GDPD1: variants seen among roughly 807,000 people sequenced by gnomAD.
The protein encoded by GDPD1 is lysophospholipase D GDPD1.
GDPD1 carries 28 observed loss-of-function variants against 45.1 expected under a neutral mutation model. The observed-to-expected ratio is 0.62, with a 90% confidence interval of 0.46 to 0.85. The LOEUF (loss-of-function observed/expected upper bound fraction) is 0.85. Among genes scored for constraint, GDPD1 ranks in the 40% least tolerant of loss-of-function variants. The pLI, the probability that GDPD1 is intolerant of heterozygous loss-of-function variation, is 0.00. For missense variants in GDPD1, 256 were observed against 364.8 expected, an observed-to-expected ratio of 0.70 and a Z score of 2.43; for synonymous variants, 139 against 131.4, an observed-to-expected ratio of 1.06 and a Z score of -0.40.
chr17:59,255,812 CGCGTATAT>C lies in GDPD1; in HGVS notation c.368-1309_368-1302del, dbSNP rs2047298916. Reference sequence around the variant, plus strand: ...GCGTATATATGTATATATATATATACGCGTATATATATATACGCGTATATATATATATA... The same window carrying C: ...GCGTATATATGTATATATATATATACATATATACGCGTATATATATATATA... On this transcript the variant is annotated intron_variant, in intron 4 of 9. Transcript: ENST00000284116. 3.1e-5 allele frequency among the ~76,000 whole-genome samples: 2 copies of C among 64,636 alleles called. 1 individual carries two copies. Among genetic ancestry groups the C allele is most frequent in the Non-Finnish European group, 5.2e-5 (2 of 38,502 alleles). The allele number at this position is 64,636 out of a possible 152,430, so 42.4% of individuals were successfully genotyped here. A position where few individuals can be genotyped will look rare whatever the true frequency, so the allele number is the denominator to read the frequency against.
intron 7 of GDPD1, among the ~76,000 whole-genome samples, chr17:59,267,863 C>A (rs2047410760): frequency 6.6e-6 from 1 of 151,804 alleles, no homozygotes; most frequent in African/African-American, 2.4e-5. Flanking sequence ...AGAGATGGGG[C>A]TTCACCATGT....
chr17:59,254,486 T>TACTGCTGGA (rs2047281538), intron 4 of GDPD1, among the ~76,000 whole-genome samples: 5 of 152,016 alleles, frequency 3.3e-5, no homozygotes, highest in Non-Finnish European at 7.4e-5. Context: ...GCTGTGGTCA[T>TACTGCTGGA]GCTACTGCAC....
At chr17:59,243,082 G>A (rs773807217) in intron 2 of GDPD1, among the ~76,000 whole-genome samples, 1 of 151,990 alleles carries the variant, frequency 6.6e-6, no homozygotes, top group African/African-American at 2.4e-5. Context: ...TCAGCTACTC[G>A]GGAAGCTGAG....
chr17:59,248,694 T>C (rs2047231121), intron 3 of GDPD1, 46 bp from the exon 4 acceptor site: 3 of 1,350,258 alleles, frequency 2.2e-6, no homozygotes, highest in African/African-American at 1.5e-5. Flanking sequence ...AAAAATCTTA[T>C]TATTTTTTGA....
At chr17:59,247,046 G>A (rs965989721) in intron 3 of GDPD1, among the ~76,000 whole-genome samples, 1 of 152,096 alleles carries the variant, frequency 6.6e-6, no homozygotes, top group Non-Finnish European at 1.5e-5. Flanking sequence ...GGGATTACAG[G>A]TGTGAGCCAC....
chr17:59,246,348 G>T (rs991166373), intron 3 of GDPD1, among the ~76,000 whole-genome samples: 3 of 151,666 alleles, frequency 2.0e-5, no homozygotes, highest in Non-Finnish European at 2.9e-5. Flanking sequence ...GCCGGCCTCG[G>T]TGGCTCACAC....
chr17:59,223,965 T>G (rs2047025892), intron 1 of GDPD1, among the ~76,000 whole-genome samples: 2 of 151,680 alleles, frequency 1.3e-5, no homozygotes, highest in Admixed American at 1.3e-4. Flanking sequence ...TCTCTCCACC[T>G]TTTTTTTGAG....
chr17:59,237,698 G>A (rs987279390), intron 2 of GDPD1, among the ~76,000 whole-genome samples: 1 of 152,096 alleles, frequency 6.6e-6, no homozygotes. Context: ...TGGGAAGCCT[G>A]ATTAAAATTA....
At chr17:59,256,041 C>G (rs145645045) in intron 4 of GDPD1, among the ~76,000 whole-genome samples, 1 of 149,470 alleles carries the variant, frequency 6.7e-6, no homozygotes, top group South Asian at 2.1e-4. Context: ...AAAAAGGGAC[C>G]GGGTACATGG....
chr17:59,270,895 CTG>C (rs2047439131), intron 7 of GDPD1, 39 bp from the exon 8 acceptor site: 2 of 1,250,750 alleles, frequency 1.6e-6, no homozygotes, highest in Non-Finnish European at 2.3e-6. Context: ...TGATATATTT[CTG>C]TGTTTCTAAT....
At chr17:59,253,487 A>G (rs1264441602) in intron 4 of GDPD1, among the ~76,000 whole-genome samples, 1 of 152,112 alleles carries the variant, frequency 6.6e-6, no homozygotes, top group African/African-American at 2.4e-5. Context: ...TACAGGAGTG[A>G]GCCACTGCAC....
At chr17:59,232,559 G>A (rs1479593649) in intron 1 of GDPD1, among the ~76,000 whole-genome samples, 1 of 152,080 alleles carries the variant, frequency 6.6e-6, no homozygotes, top group Non-Finnish European at 1.5e-5. Flanking sequence ...TGGTGAAATA[G>A]CCAAAATGGT....
intron 6 of GDPD1, among the ~76,000 whole-genome samples, chr17:59,261,689 G>A (rs1298113685): frequency 6.6e-6 from 1 of 151,418 alleles, no homozygotes; most frequent in Non-Finnish European, 1.5e-5. Context: ...TGCAGAGACA[G>A]GGTCTCACTT....
intron 3 of GDPD1, among the ~76,000 whole-genome samples, chr17:59,248,404 A>G (rs570547530): frequency 4.6e-5 from 7 of 152,256 alleles, no homozygotes; most frequent in Admixed American, 4.6e-4. Context: ...TTCATTAATT[A>G]TTAATTAGTT....
Position 59,245,445 on chromosome 17 carries a change from T to C in GDPD1, c.217T>C (p.Leu73=). The C allele has an allele frequency of 6.2e-7, 1 of 1,610,998 alleles. No homozygotes were observed. Among genetic ancestry groups the C allele is most frequent in the Non-Finnish European group, 8.5e-7 (1 of 1,177,728 alleles). The change falls in exon 3 of 10, where the codon TTG becomes CTG. Residue 73 remains leucine (L), a synonymous_variant. Coordinates refer to ENST00000284116, the MANE Select transcript of GDPD1 (RefSeq NM_182569.4). ...TAAAATCGGAACTGATATGCTAGAA[T>C]TGGACTGCCATATCACAAAAGATGA... The part of the protein sequence containing the change: ...AVKIGTDMLE[L]DCHITKDEQV...
At chr17:59,233,211 G>C (rs1052103802) in intron 1 of GDPD1, among the ~76,000 whole-genome samples, 1 of 151,012 alleles carries the variant, frequency 6.6e-6, no homozygotes, top group Non-Finnish European at 1.5e-5. Flanking sequence ...GTGATGATCT[G>C]TCTCAAGAAA....
chr17:59,251,594 GA>G (rs1437177962), intron 4 of GDPD1, among the ~76,000 whole-genome samples: 1 of 151,738 alleles, frequency 6.6e-6, no homozygotes. Context: ...ACATCTGAAA[GA>G]AATAATAATA....
chr17:59,222,396 C>T (rs566643662), intron 1 of GDPD1, among the ~76,000 whole-genome samples: 12 of 149,418 alleles, frequency 8.0e-5, no homozygotes, highest in South Asian at 2.1e-4. Context: ...TTAGTAGAGA[C>T]GGGGTTTCAC....
At chr17:59,255,182 T>A (rs1172874179) in intron 4 of GDPD1, among the ~76,000 whole-genome samples, 1 of 152,156 alleles carries the variant, frequency 6.6e-6, no homozygotes, top group Non-Finnish European at 1.5e-5. Flanking sequence ...GAATAAAGGA[T>A]TTTCACCATT....
Sources: gnomAD v4.1 joint callset for allele counts (sites outside exome capture counted in the v4.1 genomes callset) on GRCh38, gnomAD v4.1.1 for gene constraint, MANE v1.5 for transcripts, NCBI Gene and HGNC (gene_info 2026-07-23, HGNC 2026-07-21) for gene names.